Variants in CTNNA2 observed in about 807,000 individuals in gnomAD.
CTNNA2 encodes the protein catenin alpha 2.
In CTNNA2, 42 loss-of-function variants were observed where a neutral mutation model predicts 101.0. The ratio of observed to expected loss-of-function variants is 0.42; its 90% CI spans 0.32 to 0.54. CTNNA2 has a LOEUF of 0.54. CTNNA2 is among the 20% of genes least tolerant of loss of function. The probability of loss-of-function intolerance (pLI) is 0.14; values close to 1 mark genes in which losing one functional copy is unlikely to be tolerated. For synonymous variants in CTNNA2, 450 were observed against 456.4 expected, an observed-to-expected ratio of 0.99 and a Z score of 0.18; for missense variants, 871 against 1,223.1, an observed-to-expected ratio of 0.71 and a Z score of 4.29.
intron 1 of CTNNA2, among the ~76,000 whole-genome samples, chr2:79,558,502 A>C (rs1674578502): frequency 6.6e-6 from 1 of 151,888 alleles, no homozygotes; most frequent in Non-Finnish European, 1.5e-5. Context: ...TCCTTCCCTA[A>C]AGGGACGTGC....
In CTNNA2 at chr2:80,303,524, T is replaced by C. The variant is rs949333883; in HGVS notation, c.1057-89687T>C. 6.2e-7 allele frequency: 1 copy of C among 1,614,186 alleles called. No homozygotes were observed. The highest frequency in any genetic ancestry group is 8.5e-7 in the Non-Finnish European group (1 of 1,180,026). ...GTCCCCCTGCACGGAGCAGATGTGATTGTGATCCAGATAGAGCCACGTGAG... is the reference window on the plus strand; with the variant it reads ...GTCCCCCTGCACGGAGCAGATGTGACTGTGATCCAGATAGAGCCACGTGAG... On this transcript the variant is annotated intron_variant, in intron 7 of 18. Coordinates refer to ENST00000402739, the MANE Select transcript of CTNNA2 (RefSeq NM_001282597.3). This position sits in a 1 kb window ranked among gnomAD's most constrained non-coding sequence, Gnocchi z 7.7.
At chr2:79,847,809 TG>T (rs1326097711) in intron 3 of CTNNA2, among the ~76,000 whole-genome samples, 5 of 152,186 alleles carry the variant, frequency 3.3e-5, no homozygotes, top group Non-Finnish European at 7.4e-5. Flanking sequence ...ATGTTGATTC[TG>T]AATGCTGCCG....
At chr2:80,071,361 G>T (rs1353721781) in intron 7 of CTNNA2, among the ~76,000 whole-genome samples, 1 of 152,198 alleles carries the variant, frequency 6.6e-6, no homozygotes, top group Non-Finnish European at 1.5e-5. Flanking sequence ...ATCCCGCTCT[G>T]TTGAATGTCT....
rs1696484231 is a variant in CTNNA2, at chr2:80,591,455, C to CTGTTTTTTTTTTTTTTTTTTTT, written c.2189+1973_2189+1994dup. On this transcript the variant is annotated intron_variant, in intron 15 of 18. Coordinates refer to ENST00000402739, the MANE Select transcript of CTNNA2 (RefSeq NM_001282597.3). ...TCATTGCTGCCTCCATCTGCACAGC[C>CTGTTTTTTTTTTTTTTTTTTTT]TGTTTTTTTTTTTTTTTTTTTTTGC... 3.5e-5 allele frequency among the ~76,000 whole-genome samples: 2 copies of CTGTTTTTTTTTTTTTTTTTTTT among 57,576 alleles called. 1 individual carries two copies. Among genetic ancestry groups the CTGTTTTTTTTTTTTTTTTTTTT allele is most frequent in the Non-Finnish European group, 7.9e-5 (2 of 25,168 alleles). The allele number at this position is 57,576 out of a possible 152,430, so 37.8% of individuals were successfully genotyped here. A position where few individuals can be genotyped will look rare whatever the true frequency, so the allele number is the denominator to read the frequency against.
At chr2:79,289,795 A>T (rs1332690023) in intron 2 of CTNNA2, among the ~76,000 whole-genome samples, 1 of 152,074 alleles carries the variant, frequency 6.6e-6, no homozygotes, top group Non-Finnish European at 1.5e-5. Context: ...TCTCTGTTTA[A>T]CTCCTTAATG....
intron 2 of CTNNA2, among the ~76,000 whole-genome samples, chr2:79,673,498 C>A (rs1457961964): frequency 6.6e-6 from 1 of 152,216 alleles, no homozygotes; most frequent in Non-Finnish European, 1.5e-5. Context: ...AACATCTAAT[C>A]ATTTCGTTCC....
chr2:79,655,752 A>C (rs10188176), intron 2 of CTNNA2, among the ~76,000 whole-genome samples: 29,027 of 151,484 alleles, frequency 0.19, 3,197 homozygotes, highest in East Asian at 0.5. Flanking sequence ...TCACTTGAAC[A>C]CAGGAGGCAG....
chr2:79,301,088 A>G lies in CTNNA2; in HGVS notation c.-405-11621A>G, dbSNP rs188733501. On this transcript the variant is annotated intron_variant, in intron 2 of 21. Transcript: ENST00000466387. ...AATTTGGACTTAGCTGACACATTCC[A>G]TATTACAAGATGCCTTTTCTGAAAT... Among the ~76,000 whole-genome samples the G allele has an allele frequency of 3.9e-5, 6 of 152,340 alleles. No homozygotes were observed. In the East Asian group the frequency reaches 9.7e-4, roughly 25 times the overall value.
chr2:80,338,524 G>A (rs1186388849), intron 7 of CTNNA2, among the ~76,000 whole-genome samples: 8 of 152,058 alleles, frequency 5.3e-5, no homozygotes, highest in Non-Finnish European at 5.9e-5. Flanking sequence ...GAGCACTGTG[G>A]GAACATGCTA....
chr2:80,645,628 G>A (rs1442509179), intron 18 of CTNNA2, among the ~76,000 whole-genome samples: 3 of 152,050 alleles, frequency 2.0e-5, no homozygotes, highest in Non-Finnish European at 2.9e-5. Flanking sequence ...CAGATTCCCG[G>A]GTGATGCTGA....
intron 6 of CTNNA2, among the ~76,000 whole-genome samples, chr2:79,899,352 A>G (rs1420962447): frequency 6.6e-6 from 1 of 152,154 alleles, no homozygotes; most frequent in Non-Finnish European, 1.5e-5. Context: ...TGTCGGAGCT[A>G]GAGAATGTGC....
intron 1 of CTNNA2, among the ~76,000 whole-genome samples, chr2:79,522,544 A>AAG (rs1672174671): frequency 6.6e-6 from 1 of 152,204 alleles, no homozygotes; most frequent in Non-Finnish European, 1.5e-5. Context: ...CAGAATCAGC[A>AAG]ACTTTGCTTC....
At chr2:80,485,547 A>G (rs1686504099) in intron 9 of CTNNA2, among the ~76,000 whole-genome samples, 1 of 152,206 alleles carries the variant, frequency 6.6e-6, no homozygotes, top group Admixed American at 6.5e-5. Flanking sequence ...TTAAGGAATA[A>G]CATTTTTTCA....
At chr2:80,566,286 G>A (rs4852584) in intron 12 of CTNNA2, among the ~76,000 whole-genome samples, 60,544 of 151,916 alleles carry the variant, frequency 0.4, 12,419 homozygotes, top group South Asian at 0.59. Flanking sequence ...TTCAGAAGTG[G>A]CATCCCATCT....
Position 80,303,602 on chromosome 2 carries a change from C to G in CTNNA2, c.1057-89609C>G. The G allele has an allele frequency of 6.2e-7, 1 of 1,614,154 alleles. No individual in the cohort carries two copies. Among genetic ancestry groups the G allele is most frequent in the Non-Finnish European group, 8.5e-7 (1 of 1,180,030 alleles). ...GCGCAGCTCCGAGAGGCTGTTGTAGCGCAGGGACAAGCCCAGCAGGCCGGA... is the reference window on the plus strand; with the variant it reads ...GCGCAGCTCCGAGAGGCTGTTGTAGGGCAGGGACAAGCCCAGCAGGCCGGA... On this transcript the variant is annotated intron_variant, in intron 7 of 18. Transcript: ENST00000402739. This position sits in a 1 kb window ranked among gnomAD's most constrained non-coding sequence, Gnocchi z 7.7.
intron 8 of CTNNA2, among the ~76,000 whole-genome samples, chr2:80,415,719 A>C (rs1433805167): frequency 6.6e-6 from 1 of 152,294 alleles, no homozygotes; most frequent in Admixed American, 6.5e-5. Flanking sequence ...TCTCAGAGAT[A>C]TCTGCACCCC....
At chr2:79,350,860 G>A (rs6734157) in intron 3 of CTNNA2, among the ~76,000 whole-genome samples, 1 of 152,072 alleles carries the variant, frequency 6.6e-6, no homozygotes, top group African/African-American at 2.4e-5. Context: ...TCTCACTGTG[G>A]CTGTAATTTG....
chr2:79,597,391 G>C (rs1407485609), intron 1 of CTNNA2, among the ~76,000 whole-genome samples: 1 of 151,248 alleles, frequency 6.6e-6, no homozygotes, highest in African/African-American at 2.4e-5. Context: ...AGAATGGTGT[G>C]AACCCAGGAG....
chr2:79,347,173 G>A (rs1677281498), intron 3 of CTNNA2, among the ~76,000 whole-genome samples: 1 of 152,004 alleles, frequency 6.6e-6, no homozygotes, highest in Non-Finnish European at 1.5e-5. Context: ...AAGAAAAATG[G>A]CTCAAATTCT....
Sources: allele counts gnomAD v4.1 joint callset (sites outside exome capture counted in the v4.1 genomes callset), GRCh38; gene constraint gnomAD v4.1.1; non-coding constraint Gnocchi (gnomAD v3.1); transcripts MANE v1.5; gene names NCBI Gene and HGNC (gene_info 2026-07-23, HGNC 2026-07-21).